PDE7B: variants seen among roughly 807,000 people sequenced by gnomAD.
PDE7B encodes phosphodiesterase 7B.
PDE7B carries 29 observed loss-of-function variants against 56.2 expected under a neutral mutation model. The ratio of observed to expected loss-of-function variants is 0.52; its 90% CI spans 0.38 to 0.70. PDE7B has a LOEUF of 0.70. Ranked by LOEUF, PDE7B falls within the 30% of genes least tolerant of loss-of-function variation. PDE7B has a pLI of 0.00. For synonymous variants in PDE7B, 197 were observed against 196.9 expected, an observed-to-expected ratio of 1.00 and a Z score of 0.00; for missense variants, 490 against 565.0, an observed-to-expected ratio of 0.87 and a Z score of 1.35.
chr6:136,082,144 A>G (rs2128215188), intron 2 of PDE7B, among the ~76,000 whole-genome samples: 1 of 152,318 alleles, frequency 6.6e-6, no homozygotes, highest in Admixed American at 6.5e-5. Context: ...GTCCTGACGC[A>G]TCCGTAATGT....
chr6:135,998,204 A>G (rs1775599666), intron 2 of PDE7B, among the ~76,000 whole-genome samples: 1 of 152,172 alleles, frequency 6.6e-6, no homozygotes, highest in Admixed American at 6.5e-5. Flanking sequence ...AGTAAAAAAT[A>G]CTTATTTACA....
intron 2 of PDE7B, chr6:136,094,511 C>G (rs1777442556): frequency 6.6e-6 from 1 of 152,452 alleles, no homozygotes; most frequent in South Asian, 2.1e-4. Flanking sequence ...AGTCTTTGCT[C>G]CATGTCACCT....
At chr6:135,918,309 T>C (rs1292633383) in intron 1 of PDE7B, among the ~76,000 whole-genome samples, 2 of 152,238 alleles carry the variant, frequency 1.3e-5, no homozygotes, top group African/African-American at 4.8e-5. Context: ...TTTTCCAACA[T>C]CTGAAACAGT....
At chr6:136,016,224 G>A (rs775233515) in intron 2 of PDE7B, among the ~76,000 whole-genome samples, 12 of 152,102 alleles carry the variant, frequency 7.9e-5, no homozygotes, top group African/African-American at 2.4e-4. Context: ...GTCCTATTTC[G>A]AAGCATTGCT....
At chr6:136,153,989 A>T in intron 6 of PDE7B, 86 bp from the exon 7 acceptor site, 2 of 814,894 alleles carry the variant, frequency 2.5e-6, no homozygotes, top group Non-Finnish European at 4.1e-6. Flanking sequence ...TGATATTTTT[A>T]AGCAAAAAGC....
intron 2 of PDE7B, among the ~76,000 whole-genome samples, chr6:136,099,103 A>T (rs1777519709): frequency 6.6e-6 from 1 of 151,594 alleles, no homozygotes; most frequent in Non-Finnish European, 1.5e-5. Context: ...AAGTACATGA[A>T]CTTATCCTTT....
At chr6:135,872,073 C>T (rs1011061965) in intron 1 of PDE7B, among the ~76,000 whole-genome samples, 1 of 152,166 alleles carries the variant, frequency 6.6e-6, no homozygotes, top group Admixed American at 6.5e-5. Context: ...ATTAGCTCTT[C>T]CAATTTTTCC....
intron 9 of PDE7B, among the ~76,000 whole-genome samples, chr6:136,175,464 T>C (rs559889926): frequency 6.9e-4 from 105 of 152,254 alleles, no homozygotes; most frequent in African/African-American, 2.4e-3. Context: ...TTCAGCTTGA[T>C]ATGAAAGAGA....
intron 8 of PDE7B, among the ~76,000 whole-genome samples, chr6:136,170,162 C>T (rs780234657): frequency 6.6e-6 from 1 of 152,154 alleles, no homozygotes; most frequent in Non-Finnish European, 1.5e-5. Context: ...AAAAGTTGAA[C>T]ATCGTATGGG....
At chr6:136,052,624 C>A (rs964955421) in intron 2 of PDE7B, among the ~76,000 whole-genome samples, 3 of 148,704 alleles carry the variant, frequency 2.0e-5, no homozygotes, top group East Asian at 2.0e-4. Context: ...ACAGCCCCCC[C>A]CCACCCACAG....
intron 11 of PDE7B, among the ~76,000 whole-genome samples, chr6:136,181,669 G>A (rs374420316): frequency 6.6e-6 from 1 of 152,072 alleles, no homozygotes; most frequent in East Asian, 1.9e-4. Context: ...TGAGCTGAGT[G>A]CAGCCTAAAG....
At chr6:135,970,954 A>G (rs1235130073) in intron 2 of PDE7B, among the ~76,000 whole-genome samples, 1 of 152,156 alleles carries the variant, frequency 6.6e-6, no homozygotes, top group Non-Finnish European at 1.5e-5. Flanking sequence ...TGATGTCATC[A>G]GCTGAGATGG....
rs780417670 is a variant in PDE7B, at chr6:136,006,944, T to C, written c.82+59420T>C. ...GCTATGGCCAGGACTTTCAATACTA[T>C]GTTGAATAGAAGTAGAGAAAGAGGG... is the stretch of plus-strand genomic sequence containing the variant. On this transcript the variant is annotated intron_variant, in intron 2 of 12. Coordinates refer to ENST00000308191, the MANE Select transcript of PDE7B (RefSeq NM_018945.4). Among the ~76,000 whole-genome samples, 59 of 152,320 alleles carry C rather than the reference T, an allele frequency of 3.9e-4. 1 individual carries two copies. Among genetic ancestry groups the C allele is most frequent in the Non-Finnish European group, 6.0e-4 (41 of 68,030 alleles).
chr6:136,138,111 A>T (rs2046091), intron 3 of PDE7B, among the ~76,000 whole-genome samples: 1 of 151,864 alleles, frequency 6.6e-6, no homozygotes, highest in African/African-American at 2.4e-5. Flanking sequence ...AGGGTCTTAA[A>T]TAAACCTAGC....
Position 135,965,728 on chromosome 6 carries a change from A to G in PDE7B, c.82+18204A>G, listed in dbSNP as rs148041173. ...TCCCACTGGGTCCCTCCCATGACACATGGGAATTGTGGGAGCTACAGTTCA... is the reference window on the plus strand; with the variant it reads ...TCCCACTGGGTCCCTCCCATGACACGTGGGAATTGTGGGAGCTACAGTTCA... On this transcript the variant is annotated intron_variant, in intron 2 of 12. Coordinates refer to ENST00000308191, the MANE Select transcript of PDE7B (RefSeq NM_018945.4). 6.8e-3 allele frequency among the ~76,000 whole-genome samples: 1,037 copies of G among 152,254 alleles called. 9 individuals are homozygous for G. The highest frequency in any genetic ancestry group is 0.023 in the African/African-American group (972 of 41,550).
chr6:136,183,490 G>A (rs1210080588), intron 11 of PDE7B, among the ~76,000 whole-genome samples: 1 of 150,556 alleles, frequency 6.6e-6, no homozygotes, highest in Non-Finnish European at 1.5e-5. Flanking sequence ...CAGTTACTTG[G>A]GAGGCTGAGG....
At chr6:135,892,976 A>G (rs371730299) in intron 1 of PDE7B, among the ~76,000 whole-genome samples, 10 of 152,084 alleles carry the variant, frequency 6.6e-5, no homozygotes, top group Admixed American at 1.3e-4. Context: ...TTGAATCCAC[A>G]TGGCATTGAT....
chr6:136,125,338 C>T, intron 3 of PDE7B, among the ~76,000 whole-genome samples: 1 of 152,008 alleles, frequency 6.6e-6, no homozygotes, highest in Non-Finnish European at 1.5e-5. Context: ...CTGTGGGAGG[C>T]CAAGGCAGGA....
At chr6:136,021,429 G>C (rs146640496) in intron 2 of PDE7B, among the ~76,000 whole-genome samples, 124 of 152,256 alleles carry the variant, frequency 8.1e-4, no homozygotes, top group African/African-American at 2.8e-3. Flanking sequence ...TGGATCACCT[G>C]AGGTCGGGAG....
Sources: gnomAD v4.1 joint callset for allele counts (sites outside exome capture counted in the v4.1 genomes callset) on GRCh38, gnomAD v4.1.1 for gene constraint, MANE v1.5 for transcripts, NCBI Gene and HGNC (gene_info 2026-07-23, HGNC 2026-07-21) for gene names.